The following SPATS2 variants were observed in gnomAD, a reference collection of about 807,000 sequenced individuals.
The protein encoded by SPATS2 is spermatogenesis associated serine rich 2.
Under a neutral mutation model 63.7 loss-of-function variants are expected in SPATS2, and 38 were observed. The observed-to-expected ratio is 0.60, with a 90% CI of 0.46 to 0.78. The LOEUF (loss-of-function observed/expected upper bound fraction) is 0.78, where lower values mean the gene tolerates loss of function less well. Ranked by LOEUF, SPATS2 falls within the 30% of genes least tolerant of loss-of-function variation. The pLI is 0.00. For synonymous variants in SPATS2, 207 were observed against 232.9 expected (o/e 0.89, Z 1.01); for missense variants, 588 against 666.2 (o/e 0.88, Z 1.29).
At chr12:49,464,331 C>T (rs1945871361) in intron 3 of SPATS2, among the ~76,000 whole-genome samples, 1 of 151,452 alleles carries the variant, frequency 6.6e-6, no homozygotes, top group African/African-American at 2.4e-5. Context: ...TAGTAAGACT[C>T]TGTCTTAGCC....
chr12:49,452,296 T>C (rs1185164258), intron 2 of SPATS2, among the ~76,000 whole-genome samples: 1 of 152,206 alleles, frequency 6.6e-6, no homozygotes, highest in African/African-American at 2.4e-5. Context: ...AATTTTTACT[T>C]TTTGTTTGTT....
At chr12:49,483,763 G>C (rs1169501099) in intron 3 of SPATS2, among the ~76,000 whole-genome samples, 2 of 152,116 alleles carry the variant, frequency 1.3e-5, no homozygotes, top group East Asian at 3.8e-4. Flanking sequence ...GCAGAGATCA[G>C]TAATATTGTT....
At chr12:49,395,975 T>C (rs1944502721) in intron 2 of SPATS2, among the ~76,000 whole-genome samples, 1 of 152,250 alleles carries the variant, frequency 6.6e-6, no homozygotes, top group Non-Finnish European at 1.5e-5. Flanking sequence ...TTGAGTATTT[T>C]ATATACCTCA....
intron 2 of SPATS2, among the ~76,000 whole-genome samples, chr12:49,439,238 T>C (rs761755385): frequency 5.3e-5 from 8 of 152,082 alleles, no homozygotes; most frequent in Non-Finnish European, 1.0e-4. Context: ...CTGAAGTGCA[T>C]TGAGCAAGGG....
chr12:49,437,457 C>CT (rs1161121647), intron 2 of SPATS2, among the ~76,000 whole-genome samples: 1 of 152,210 alleles, frequency 6.6e-6, no homozygotes, highest in Non-Finnish European at 1.5e-5. Context: ...AATCTCAGCA[C>CT]TTTGGGGGGC....
chr12:49,484,537 G>C (rs1946256784), intron 3 of SPATS2, 53 bp from the exon 4 acceptor site: 2 of 1,567,178 alleles, frequency 1.3e-6, no homozygotes, highest in Non-Finnish European at 8.8e-7. Flanking sequence ...TTCTGTCTTA[G>C]GGATGGATTA....
intron 2 of SPATS2, among the ~76,000 whole-genome samples, chr12:49,397,096 A>G (rs890140637): frequency 2.0e-5 from 3 of 152,090 alleles, no homozygotes; most frequent in South Asian, 2.1e-4. Context: ...TGTACTTGCT[A>G]TTCCCTCTGT....
At chr12:49,495,176 T>A (rs1946444773) in intron 7 of SPATS2, among the ~76,000 whole-genome samples, 174 bp downstream of exon 7, 1 of 152,182 alleles carries the variant, frequency 6.6e-6, no homozygotes, top group South Asian at 2.1e-4. Context: ...TTTATAATTA[T>A]CAAAGGCCTA....
At chr12:49,419,144 C>T (rs1339287812) in intron 2 of SPATS2, among the ~76,000 whole-genome samples, 3 of 152,116 alleles carry the variant, frequency 2.0e-5, no homozygotes. Context: ...TTTAAGTCTC[C>T]TAGTATTACT....
chr12:49,512,416 C>T (rs576840116), intron 9 of SPATS2, among the ~76,000 whole-genome samples: 1 of 151,904 alleles, frequency 6.6e-6, no homozygotes, highest in African/African-American at 2.4e-5. Context: ...TACATGGTAG[C>T]TGGATATATT....
At chr12:49,379,731 T>G (rs1283956690) in intron 2 of SPATS2, among the ~76,000 whole-genome samples, 1 of 149,906 alleles carries the variant, frequency 6.7e-6, no homozygotes, top group East Asian at 2.1e-4. Context: ...CAAGTGATTC[T>G]CCTGTCTGAG....
At chr12:49,436,707 G>T (rs1445657225) in intron 2 of SPATS2, among the ~76,000 whole-genome samples, 3 of 140,190 alleles carry the variant, frequency 2.1e-5, no homozygotes, top group African/African-American at 8.0e-5. Context: ...CTCACCTCCC[G>T]GATGGGGCGG....
chr12:49,461,247 T>A lies in SPATS2; in HGVS notation c.25+210T>A, dbSNP rs1945817106. On this transcript the variant is annotated intron_variant, in intron 3 of 13. Transcript: ENST00000552918. Reference sequence around the variant, plus strand: ...CTCACACAAACTTAGCAAATTGTAATATGCTTAACAATCTTGAAGATGCAT... The same window carrying A: ...CTCACACAAACTTAGCAAATTGTAAAATGCTTAACAATCTTGAAGATGCAT... 5.3e-6 allele frequency: 3 copies of A among 565,664 alleles called. No homozygotes were observed. The African/African-American group carries it at 5.8e-5, about 11-fold the overall frequency. The allele number at this position is 565,664 out of a possible 1,614,324, so 35.0% of individuals were successfully genotyped here.
intron 2 of SPATS2, among the ~76,000 whole-genome samples, chr12:49,406,986 C>T (rs1350277682): frequency 2.0e-5 from 3 of 152,212 alleles, no homozygotes; most frequent in Non-Finnish European, 4.4e-5. Context: ...ATATAATAGG[C>T]ATCTCACACT....
chr12:49,462,637 T>TA (rs1945842096), intron 3 of SPATS2: 1 of 589,122 alleles, frequency 1.7e-6, no homozygotes, highest in Non-Finnish European at 3.0e-6. Flanking sequence ...TGAAGGATGG[T>TA]AAATGCGGGA....
chr12:49,509,915 A>C (rs552446447), intron 9 of SPATS2, among the ~76,000 whole-genome samples: 27 of 151,942 alleles, frequency 1.8e-4, no homozygotes, highest in African/African-American at 6.5e-4. Context: ...AGGCGTCTGC[A>C]TTGGCTTTGC....
rs1425793063 is a variant in SPATS2 at position 49,397,858 on chromosome 12, AG to A, written c.-244+26570del. Among the ~76,000 whole-genome samples the A allele has an allele frequency of 4.1e-5, 6 of 147,254 alleles. No homozygotes were observed. In the East Asian group the frequency reaches 9.9e-4, roughly 24 times the overall value. On this transcript the variant is annotated intron_variant, in intron 2 of 13. Transcript: ENST00000552918. Reference sequence around the variant, plus strand: ...TAAAAAAAAAAAAAAAAAAAAAAAAAGGATCCATTGGCCGAGCATGGTGGCC... The same window carrying A: ...TAAAAAAAAAAAAAAAAAAAAAAAAAGATCCATTGGCCGAGCATGGTGGCC...
intron 2 of SPATS2, among the ~76,000 whole-genome samples, chr12:49,385,352 A>T (rs1320437867): frequency 9.5e-6 from 1 of 105,108 alleles, no homozygotes; most frequent in Non-Finnish European, 1.9e-5. Context: ...GCATGTAAGT[A>T]TATAAGTGTG....
intron 2 of SPATS2, among the ~76,000 whole-genome samples, chr12:49,445,695 TG>T (rs559090872): frequency 1.3e-3 from 193 of 151,998 alleles, no homozygotes; most frequent in African/African-American, 3.4e-3. Context: ...TTTTTAAAAA[TG>T]TTTTTTGTAG....
Sources: allele counts gnomAD v4.1 joint callset (sites outside exome capture counted in the v4.1 genomes callset), GRCh38; gene constraint gnomAD v4.1.1; transcripts MANE v1.5; gene names NCBI Gene and HGNC (gene_info 2026-07-23, HGNC 2026-07-21).